FSHR: variants seen among roughly 807,000 people sequenced by gnomAD.
FSHR encodes the protein follicle stimulating hormone receptor.
A neutral mutation model predicts 52.1 loss-of-function variants in FSHR; 46 were observed. That is an observed-to-expected ratio of 0.88 (90% confidence interval 0.70 to 1.13). The LOEUF (loss-of-function observed/expected upper bound fraction) is 1.13. FSHR is among the 50% of genes most tolerant of loss of function. The pLI is 0.00. For synonymous variants in FSHR, 399 were observed against 309.6 expected, an observed-to-expected ratio of 1.29 and a Z score of -3.03; for missense variants, 964 against 834.6, an observed-to-expected ratio of 1.16 and a Z score of -1.91.
intron 2 of FSHR, among the ~76,000 whole-genome samples, chr2:49,052,673 A>G (rs1430202691): frequency 6.6e-6 from 1 of 152,198 alleles, no homozygotes; most frequent in African/African-American, 2.4e-5. Context: ...AACCAGTCTA[A>G]CACTGGCCTT....
chr2:49,077,103 C>T (rs1650932481), intron 1 of FSHR, among the ~76,000 whole-genome samples: 1 of 152,188 alleles, frequency 6.6e-6, no homozygotes, highest in East Asian at 1.9e-4. Flanking sequence ...GTGTCAGGGT[C>T]CCACCACATA....
Position 49,142,683 on chromosome 2 carries a change from T to C in FSHR, c.152+11583A>G, listed in dbSNP as rs144036000. ...AGCTGCTGCATAGGGGATAGACTGT[T>C]AATTCAAGTGAAACAAGGAAATGGA... is the stretch of plus-strand genomic sequence containing the variant. On this transcript the variant is annotated intron_variant, in intron 1 of 9. Transcript: ENST00000406846. Among the ~76,000 whole-genome samples the C allele has an allele frequency of 5.1e-4, 77 of 152,286 alleles. 1 individual carries two copies. In the East Asian group the frequency reaches 0.014, roughly 29 times the overall value.
intron 9 of FSHR, among the ~76,000 whole-genome samples, chr2:48,967,563 A>G (rs2300439): frequency 0.49 from 74,581 of 152,048 alleles, 19,390 homozygotes; most frequent in Non-Finnish European, 0.57. Context: ...TCAGGAAGAA[A>G]TTTCCTGGCT....
chr2:49,074,722 T>A (rs1292569734), intron 1 of FSHR, among the ~76,000 whole-genome samples: 1 of 152,128 alleles, frequency 6.6e-6, no homozygotes, highest in Non-Finnish European at 1.5e-5. Context: ...CATCTACACT[T>A]CCATGTTTTT....
chr2:49,094,180 T>C (rs930238919), intron 1 of FSHR, among the ~76,000 whole-genome samples: 1 of 152,198 alleles, frequency 6.6e-6, no homozygotes, highest in African/African-American at 2.4e-5. Context: ...GATTAAACTT[T>C]TAGAATCCAC....
At chr2:49,085,250 G>A (rs962059948) in intron 1 of FSHR, among the ~76,000 whole-genome samples, 2 of 152,244 alleles carry the variant, frequency 1.3e-5, no homozygotes, top group African/African-American at 4.8e-5. Context: ...AAACCCACAT[G>A]ATTATCTCGA....
chr2:48,979,173 T>C (rs1675125120), intron 8 of FSHR, among the ~76,000 whole-genome samples: 1 of 152,090 alleles, frequency 6.6e-6, no homozygotes, highest in African/African-American at 2.4e-5. Flanking sequence ...AGCTGGGTGT[T>C]ATGACTCACG....
chr2:49,026,064 G>A (rs1282931863), intron 2 of FSHR, among the ~76,000 whole-genome samples: 3 of 152,154 alleles, frequency 2.0e-5, no homozygotes, highest in Non-Finnish European at 1.5e-5. Flanking sequence ...TGCCTGAGAT[G>A]GTCTTGTCTT....
chr2:49,141,033 G>A (rs17824954), intron 1 of FSHR, among the ~76,000 whole-genome samples: 2,751 of 152,272 alleles, frequency 0.018, 33 homozygotes, highest in Non-Finnish European at 0.028. Flanking sequence ...GCAAAATAAA[G>A]TTGGAGCCAG....
intron 1 of FSHR, among the ~76,000 whole-genome samples, chr2:49,116,463 T>C (rs926026168): frequency 1.3e-5 from 2 of 152,168 alleles, no homozygotes; most frequent in African/African-American, 4.8e-5. Flanking sequence ...CTATGTGTTC[T>C]CTGAACCTTA....
In FSHR at chr2:49,041,213, G is replaced by A. The variant is rs535618172; in HGVS notation, c.225-21053C>T. 6.6e-5 allele frequency among the ~76,000 whole-genome samples: 10 copies of A among 152,124 alleles called. No homozygotes were observed. In the South Asian group the frequency reaches 1.0e-3, roughly 16 times the overall value. ...TTAGCTCTGATTTTTTTCATACAGCGCATTTGGGAGGCACACCGTGAATAT... is the reference window on the plus strand; with the variant it reads ...TTAGCTCTGATTTTTTTCATACAGCACATTTGGGAGGCACACCGTGAATAT... On this transcript the variant is annotated intron_variant, in intron 2 of 9. Coordinates refer to ENST00000406846, the MANE Select transcript of FSHR (RefSeq NM_000145.4).
intron 8 of FSHR, among the ~76,000 whole-genome samples, chr2:48,982,344 G>T (rs1177680968): frequency 6.6e-6 from 1 of 152,158 alleles, no homozygotes; most frequent in Non-Finnish European, 1.5e-5. Flanking sequence ...GGGCTGTGAG[G>T]CACGGAATGC....
intron 5 of FSHR, 52 bp from the exon 6 acceptor site, chr2:48,989,106 A>G: frequency 6.9e-7 from 1 of 1,457,914 alleles, no homozygotes; most frequent in Non-Finnish European, 9.6e-7. Context: ...TACTCATGTA[A>G]CCTTCCAAAA....
intron 2 of FSHR, among the ~76,000 whole-genome samples, chr2:49,039,226 C>A (rs576618297): frequency 2.6e-5 from 4 of 152,316 alleles, no homozygotes; most frequent in African/African-American, 4.8e-5. Flanking sequence ...TAGGGACCCT[C>A]TTACATCTTT....
intron 2 of FSHR, among the ~76,000 whole-genome samples, chr2:49,021,664 G>C (rs1667705669): frequency 6.6e-6 from 1 of 151,722 alleles, no homozygotes; most frequent in African/African-American, 2.4e-5. Flanking sequence ...TCTGTGGCTT[G>C]TTAACCCAGT....
At chr2:49,145,458 G>A (rs1271342442) in intron 1 of FSHR, among the ~76,000 whole-genome samples, 3 of 151,990 alleles carry the variant, frequency 2.0e-5, no homozygotes, top group East Asian at 1.9e-4. Context: ...ATCATCCCAC[G>A]GTGGTCAAGA....
chr2:49,101,749 T>C (rs959000030), intron 1 of FSHR, among the ~76,000 whole-genome samples: 2 of 152,132 alleles, frequency 1.3e-5, no homozygotes, highest in Non-Finnish European at 2.9e-5. Context: ...TCTGAAGGAA[T>C]CAGAAATCTA....
intron 1 of FSHR, among the ~76,000 whole-genome samples, chr2:49,093,622 T>C (rs1331041339): frequency 7.1e-6 from 1 of 140,464 alleles, no homozygotes; most frequent in Admixed American, 7.9e-5. Context: ...TGAGACGGAG[T>C]CTTGCTCTGT....
At chr2:49,008,461 A>G (rs927656612) in intron 4 of FSHR, among the ~76,000 whole-genome samples, 6 of 151,848 alleles carry the variant, frequency 4.0e-5, no homozygotes, top group Non-Finnish European at 5.9e-5. Flanking sequence ...AGTCTTTGCT[A>G]TTGTGAATAA....
Sources: allele counts gnomAD v4.1 joint callset (sites outside exome capture counted in the v4.1 genomes callset), GRCh38; gene constraint gnomAD v4.1.1; transcripts MANE v1.5; gene names NCBI Gene and HGNC (gene_info 2026-07-23, HGNC 2026-07-21).